The following VRK1 variants were observed in gnomAD, a reference collection of about 807,000 sequenced individuals.
VRK1 encodes the protein serine/threonine-protein kinase VRK1.
VRK1 carries 33 observed loss-of-function variants against 57.1 expected under a neutral mutation model. The observed-to-expected ratio is 0.58, with a 90% confidence interval of 0.44 to 0.77. The LOEUF (loss-of-function observed/expected upper bound fraction) is 0.77. Ranked by LOEUF, VRK1 falls within the 30% of genes least tolerant of loss-of-function variation. The pLI is 0.00. For missense variants in VRK1, 413 were observed against 477.3 expected, an observed-to-expected ratio of 0.87 and a Z score of 1.25; for synonymous variants, 137 against 147.8, an observed-to-expected ratio of 0.93 and a Z score of 0.53.
At chr14:96,836,605 T>A (rs377177888) in intron 2 of VRK1, among the ~76,000 whole-genome samples, 3 of 149,814 alleles carry the variant, frequency 2.0e-5, no homozygotes, top group African/African-American at 7.4e-5. Flanking sequence ...TCACTGCTAC[T>A]TCTGCCTTTC....
At chr14:96,799,493 T>C (rs1321680067) in intron 1 of VRK1, among the ~76,000 whole-genome samples, 1 of 152,252 alleles carries the variant, frequency 6.6e-6, no homozygotes, top group Non-Finnish European at 1.5e-5. Context: ...GGATTATGAT[T>C]TGAAAAATAA....
intron 1 of VRK1, among the ~76,000 whole-genome samples, chr14:96,821,961 TTC>T (rs1886615146): frequency 7.0e-6 from 1 of 143,722 alleles, no homozygotes; most frequent in African/African-American, 2.7e-5. Flanking sequence ...TGTGGCTAGA[TTC>T]TCTCACTTTT....
chr14:96,829,817 T>C (rs1886938799), intron 1 of VRK1, among the ~76,000 whole-genome samples: 1 of 152,198 alleles, frequency 6.6e-6, no homozygotes, highest in Non-Finnish European at 1.5e-5. Flanking sequence ...ATAACCCTTG[T>C]TGAGTCTCAG....
chr14:96,836,474 C>A (rs1213898039), intron 2 of VRK1, among the ~76,000 whole-genome samples: 1 of 151,464 alleles, frequency 6.6e-6, no homozygotes, highest in Non-Finnish European at 1.5e-5. Context: ...CTACTTTTGC[C>A]TCCTTGTTTT....
At position 96,872,415 on chromosome 14, in the gene VRK1, T is replaced by C. The variant is rs74691133; in HGVS notation, c.1069-3615T>C. ...AGGGTTAGATAAATGAGGAAAACCA[T>C]AGTCCTTGCCCTCAGGGAACATACG... is the stretch of plus-strand genomic sequence containing the variant. On this transcript the variant is annotated intron_variant, in intron 11 of 12. Transcript: ENST00000216639. Among the ~76,000 whole-genome samples, 37 of 152,266 alleles carry C rather than the reference T, an allele frequency of 2.4e-4. 2 individuals carry two copies. The East Asian group carries it at 7.1e-3, about 29-fold the overall frequency.
At chr14:96,849,548 G>A (rs776007649) in intron 5 of VRK1, among the ~76,000 whole-genome samples, 1 of 152,076 alleles carries the variant, frequency 6.6e-6, no homozygotes, top group Non-Finnish European at 1.5e-5. Flanking sequence ...GTGTGGTCAT[G>A]GGCTAGTTAA....
At chr14:96,877,711 T>A in intron 12 of VRK1, 1 of 1,210,792 alleles carries the variant, frequency 8.3e-7, no homozygotes, top group Non-Finnish European at 1.1e-6. Context: ...ACTCATTAAG[T>A]CTAAGGCAGA....
intron 5 of VRK1, among the ~76,000 whole-genome samples, chr14:96,848,727 A>T (rs941909655): frequency 2.0e-5 from 3 of 152,164 alleles, no homozygotes; most frequent in African/African-American, 7.2e-5. Flanking sequence ...GCCCCTTAAA[A>T]TGTGTGTGAA....
chr14:96,868,506 G>A (rs1888672694), intron 11 of VRK1, among the ~76,000 whole-genome samples: 1 of 152,128 alleles, frequency 6.6e-6, no homozygotes, highest in Non-Finnish European at 1.5e-5. Context: ...CAAATACAGG[G>A]CATTTTAGAC....
chr14:96,876,196 A>G lies in VRK1; in HGVS notation c.1159+76A>G. 3 of 1,374,668 alleles carry G rather than the reference A, an allele frequency of 2.2e-6. No individual in the cohort carries two copies. In the South Asian group the frequency reaches 3.5e-5, roughly 16 times the overall value. The allele number at this position is 1,374,668 out of a possible 1,614,324, so 85.2% of individuals were successfully genotyped here. A position where few individuals can be genotyped will look rare whatever the true frequency, so the allele number is the denominator to read the frequency against. ...ATTTCCTCCCATTAGATGAGGGGTC[A>G]ACTATTTGGGTCATGACCTTTTGAT... On this transcript the variant is annotated intron_variant, in intron 12 of 12. Transcript: ENST00000216639.
chr14:96,825,503 T>G (rs968660288), intron 1 of VRK1, among the ~76,000 whole-genome samples: 6 of 152,226 alleles, frequency 3.9e-5, no homozygotes, highest in African/African-American at 1.4e-4. Flanking sequence ...TCCTGCTAAC[T>G]ACAATGTATT....
chr14:96,874,556 G>T (rs1206705138), intron 11 of VRK1, among the ~76,000 whole-genome samples: 1 of 152,128 alleles, frequency 6.6e-6, no homozygotes, highest in African/African-American at 2.4e-5. Context: ...AGCTATTTTT[G>T]AGAGGCAATA....
chr14:96,825,662 A>C (rs931486556), intron 1 of VRK1, among the ~76,000 whole-genome samples: 3 of 152,184 alleles, frequency 2.0e-5, no homozygotes, highest in African/African-American at 4.8e-5. Context: ...GGAAAATGTC[A>C]ATCAATGTAT....
intron 8 of VRK1, among the ~76,000 whole-genome samples, chr14:96,855,845 C>T (rs1018135006): frequency 2.0e-5 from 3 of 152,112 alleles, no homozygotes; most frequent in African/African-American, 4.8e-5. Flanking sequence ...TTCAAGTTTT[C>T]CAAAGGAAAA....
At chr14:96,861,133 A>G (rs1017127683) in intron 11 of VRK1, among the ~76,000 whole-genome samples, 1 of 152,120 alleles carries the variant, frequency 6.6e-6, no homozygotes, top group Non-Finnish European at 1.5e-5. Flanking sequence ...AAAAATTACC[A>G]TTTGAAAATT....
At chr14:96,853,187 T>C (rs1321619313) in intron 7 of VRK1, 21 bp downstream of exon 7, 2 of 1,588,506 alleles carry the variant, frequency 1.3e-6, no homozygotes, top group African/African-American at 2.7e-5. Flanking sequence ...AACTTTAATT[T>C]CTACTATTTA....
chr14:96,816,383 C>T (rs909554631), intron 1 of VRK1, among the ~76,000 whole-genome samples: 10 of 152,286 alleles, frequency 6.6e-5, no homozygotes, highest in Non-Finnish European at 1.2e-4. Context: ...TATCTTCATT[C>T]TCATCTCCCC....
At chr14:96,862,188 G>A (rs2139818264) in intron 11 of VRK1, among the ~76,000 whole-genome samples, 1 of 151,592 alleles carries the variant, frequency 6.6e-6, no homozygotes, top group Non-Finnish European at 1.5e-5. Flanking sequence ...TGACTTTACA[G>A]CTGAGTAGGT....
intron 1 of VRK1, among the ~76,000 whole-genome samples, chr14:96,828,381 A>T (rs1385934369): frequency 6.6e-6 from 1 of 152,232 alleles, no homozygotes; most frequent in Non-Finnish European, 1.5e-5. Flanking sequence ...AGACTTTTGC[A>T]GTTGAAGTCT....
Sources: gnomAD v4.1 joint callset for allele counts (sites outside exome capture counted in the v4.1 genomes callset) on GRCh38, gnomAD v4.1.1 for gene constraint, MANE v1.5 for transcripts, NCBI Gene and HGNC (gene_info 2026-07-23, HGNC 2026-07-21) for gene names.